The following SLC20A2 variants were observed in gnomAD, a reference collection of about 807,000 sequenced individuals.
The protein encoded by SLC20A2 is sodium-dependent phosphate transporter 2.
A neutral mutation model predicts 61.0 loss-of-function variants in SLC20A2; 30 were observed. The observed-to-expected ratio is 0.49, with a 90% CI of 0.37 to 0.67. The LOEUF (loss-of-function observed/expected upper bound fraction) is 0.67, where lower values mean the gene tolerates loss of function less well. SLC20A2 is among the 30% of genes least tolerant of loss of function. The probability of loss-of-function intolerance (pLI) is 0.00; values close to 1 mark genes in which losing one functional copy is unlikely to be tolerated. For missense variants in SLC20A2, 626 were observed against 866.4 expected, an observed-to-expected ratio of 0.72 and a Z score of 3.48; for synonymous variants, 351 against 353.3, an observed-to-expected ratio of 0.99 and a Z score of 0.07.
In SLC20A2 at chr8:42,472,340, A is replaced by G. The variant is rs1409704673; in HGVS notation, c.51T>C (p.Ala17=). The part of the protein sequence containing the change: ...LWMVILGFII[A]FILAFSVGAN... ...CACCAACAGAAAAGGCCAAGATGAA[A>G]GCTATGATGAAACCCAAAATGACCA... The change falls in exon 2 of 11, where the codon GCT becomes GCC. Residue 17 remains alanine, a synonymous_variant. Transcript: ENST00000520262. The surrounding 1 kb of genome is among the most constrained non-coding windows in gnomAD (Gnocchi z 4.1). The G allele has an allele frequency of 2.5e-6, 4 of 1,614,194 alleles. No homozygotes were observed. Among genetic ancestry groups the G allele is most frequent in the Non-Finnish European group, 3.4e-6 (4 of 1,180,014 alleles).
At chr8:42,464,583 A>T (rs1387251377) in intron 3 of SLC20A2, among the ~76,000 whole-genome samples, 1 of 152,120 alleles carries the variant, frequency 6.6e-6, no homozygotes, top group East Asian at 1.9e-4. Flanking sequence ...GCCTGGGAAG[A>T]ACAGAGGGTG....
At chr8:42,476,995 C>T (rs1310770249) in intron 1 of SLC20A2, among the ~76,000 whole-genome samples, 1 of 152,026 alleles carries the variant, frequency 6.6e-6, no homozygotes, top group Non-Finnish European at 1.5e-5. Flanking sequence ...AACGCAAAGG[C>T]CAAAGCTCAA....
At chr8:42,501,377 C>T (rs1363344935), upstream of SLC20A2, 1 of 152,236 alleles carries the variant, frequency 6.6e-6, no homozygotes, top group Non-Finnish European at 1.5e-5. Flanking sequence ...ATAATACTAA[C>T]TTCTTTTAAG....
At chr8:42,434,416 C>T (rs759338422) in intron 8 of SLC20A2, among the ~76,000 whole-genome samples, 48 of 144,486 alleles carry the variant, frequency 3.3e-4, no homozygotes, top group Non-Finnish European at 5.3e-4. Context: ...TTTTTTGAGA[C>T]AGTCTCACTC....
intron 1 of SLC20A2, among the ~76,000 whole-genome samples, chr8:42,511,647 C>G (rs1811040775): frequency 6.6e-6 from 1 of 151,346 alleles, no homozygotes; most frequent in Non-Finnish European, 1.5e-5. Context: ...AAGAAGTGGT[C>G]ACTGTTAGGG....
At chr8:42,503,110 TCTG>T (rs1810425157), upstream of SLC20A2, among the ~76,000 whole-genome samples, 1 of 152,218 alleles carries the variant, frequency 6.6e-6, no homozygotes, top group Non-Finnish European at 1.5e-5. Flanking sequence ...CTAGTATGAC[TCTG>T]CTGTTTCAAC....
At chr8:42,429,251 A>G (rs1385551098) in intron 9 of SLC20A2, among the ~76,000 whole-genome samples, 5 of 152,190 alleles carry the variant, frequency 3.3e-5, no homozygotes, top group Admixed American at 2.0e-4. Flanking sequence ...CTTCTAAACT[A>G]TCTTTTATTG....
chr8:42,527,683 G>A (rs536567075), intron 1 of SLC20A2, among the ~76,000 whole-genome samples: 156 of 151,570 alleles, frequency 1.0e-3, no homozygotes, highest in African/African-American at 3.1e-3. Context: ...CAGGAGAATC[G>A]CTTAAACCCA....
intron 1 of SLC20A2, among the ~76,000 whole-genome samples, chr8:42,525,262 G>A (rs1230326327): frequency 6.6e-5 from 10 of 152,064 alleles, no homozygotes; most frequent in African/African-American, 1.9e-4. Flanking sequence ...ATCTGCTTAC[G>A]TATTATTAAG....
At chr8:42,489,371 C>T (rs1809332628) in intron 1 of SLC20A2, among the ~76,000 whole-genome samples, 2 of 152,160 alleles carry the variant, frequency 1.3e-5, no homozygotes, top group African/African-American at 2.4e-5. Flanking sequence ...AATGGCTGCT[C>T]TGAAGACTGT....
intron 1 of SLC20A2, among the ~76,000 whole-genome samples, chr8:42,487,770 C>CATTTGAAAG (rs374135558): frequency 1.2e-4 from 18 of 152,298 alleles, no homozygotes; most frequent in African/African-American, 1.7e-4. Flanking sequence ...CCATCTTAAC[C>CATTTGAAAG]ATTTGAAAGT....
At chr8:42,487,684 T>C (rs1470509691) in intron 1 of SLC20A2, among the ~76,000 whole-genome samples, 2 of 152,186 alleles carry the variant, frequency 1.3e-5, no homozygotes, top group African/African-American at 4.8e-5. Context: ...ATCTTGGTTA[T>C]TATACTTTTC....
At chr8:42,532,965 T>C (rs1412640434) in intron 1 of SLC20A2, among the ~76,000 whole-genome samples, 2 of 151,584 alleles carry the variant, frequency 1.3e-5, no homozygotes, top group African/African-American at 2.4e-5. Context: ...GTAGGCAAAA[T>C]ACAAGAAACT....
At chr8:42,506,240 C>CA (rs1350639303) in intron 1 of SLC20A2, among the ~76,000 whole-genome samples, 23 of 152,258 alleles carry the variant, frequency 1.5e-4, no homozygotes, top group South Asian at 1.5e-3. Flanking sequence ...GTGCCTGGCC[C>CA]ACGTTAGGAA....
chr8:42,416,537 T>A lies in SLC20A2; in HGVS notation c.*1266A>T, dbSNP rs1272328369. 2 of 152,604 alleles carry A rather than the reference T, an allele frequency of 1.3e-5. No individual in the cohort carries two copies. Among genetic ancestry groups the A allele is most frequent in the Non-Finnish European group, 2.9e-5 (2 of 68,036 alleles). 9.5% of individuals were successfully genotyped at this position (152,604 alleles called of 1,614,324 possible). On this transcript the variant is annotated 3_prime_UTR_variant, in exon 11 of 11. Coordinates refer to ENST00000520262, the MANE Select transcript of SLC20A2 (RefSeq NM_001257180.2). ...TGATTAATGAAAAATGACAATGAAG[T>A]ACCAAGAAAATGTTTGTCAATATAA...
At chr8:42,432,869 T>A (rs1175792667) in intron 8 of SLC20A2, among the ~76,000 whole-genome samples, 1 of 152,238 alleles carries the variant, frequency 6.6e-6, no homozygotes, top group Non-Finnish European at 1.5e-5. Flanking sequence ...GGTATACTAT[T>A]ACAGAAACAT....
rs566169144 is a variant in SLC20A2, at chr8:42,447,345, C to CA, written c.614-2584dup. Among the ~76,000 whole-genome samples, 1,048 of 115,364 alleles carry CA rather than the reference C, an allele frequency of 9.1e-3. 11 individuals carry two copies. Among genetic ancestry groups the CA allele is most frequent in the East Asian group, 0.056 (232 of 4,170 alleles). The allele number at this position is 115,364 out of a possible 152,430, so 75.7% of individuals were successfully genotyped here. ...TGGGCAACAGAGTGAGATCCTGCCT[C>CA]AAAAAAAAAAAAAAAATTAACATAC... On this transcript the variant is annotated intron_variant, in intron 5 of 10. Transcript: ENST00000520262.
At chr8:42,502,236 C>T (rs1370532099), upstream of SLC20A2, 2 of 152,092 alleles carry the variant, frequency 1.3e-5, no homozygotes, top group African/African-American at 4.8e-5. Context: ...CTGGATCACC[C>T]CATCTCCTCC....
intron 10 of SLC20A2, among the ~76,000 whole-genome samples, chr8:42,427,526 C>T (rs758900363): frequency 6.6e-6 from 1 of 152,174 alleles, no homozygotes; most frequent in Non-Finnish European, 1.5e-5. Flanking sequence ...TGGTGTTGAG[C>T]ACGGTACCCA....
Sources: gnomAD v4.1 joint callset for allele counts (sites outside exome capture counted in the v4.1 genomes callset) on GRCh38, gnomAD v4.1.1 for gene constraint, Gnocchi (gnomAD v3.1) non-coding constraint, MANE v1.5 for transcripts, NCBI Gene and HGNC (gene_info 2026-07-23, HGNC 2026-07-21) for gene names.